Variants in CHST4 observed in about 807,000 individuals in gnomAD.
CHST4 encodes the protein GST-3.
For synonymous variants in CHST4, 171 were observed against 195.5 expected, an observed-to-expected ratio of 0.87 and a Z score of 1.05; for missense variants, 466 against 506.0, an observed-to-expected ratio of 0.92 and a Z score of 0.76.
chr16:71,537,280 G>A lies in CHST4; in HGVS notation c.603G>A (p.Val201=). 1.2e-6 allele frequency: 2 copies of A among 1,614,154 alleles called. No homozygotes were observed. Among genetic ancestry groups the A allele is most frequent in the Non-Finnish European group, 1.7e-6 (2 of 1,180,032 alleles). Residue 201 remains valine (V), a synonymous_variant, in exon 2 of 2, where the codon GTG becomes GTA. Transcript: ENST00000539698. The surrounding 1 kb of genome is among the most constrained non-coding windows in gnomAD (Gnocchi z 4.2). ...LKDPSLNLHI[V]HLVRDPRAVF... is the part of the protein sequence containing the mutation. ...ACCCCTCCCTCAACCTGCATATCGTGCACCTGGTCCGGGACCCCCGGGCCG... is the reference window on the plus strand; with the variant it reads ...ACCCCTCCCTCAACCTGCATATCGTACACCTGGTCCGGGACCCCCGGGCCG...
At chr16:71,535,318 G>T (rs150469669) in intron 1 of CHST4, among the ~76,000 whole-genome samples, 1 of 152,040 alleles carries the variant, frequency 6.6e-6, no homozygotes, top group South Asian at 2.1e-4. Flanking sequence ...GACTATAGGC[G>T]TGTGCCAACA....
rs151246509 is a variant in CHST4, at chr16:71,536,960, C to T, written c.283C>T (p.Arg95Trp). The T allele has an allele frequency of 1.2e-5, 20 of 1,613,710 alleles. No individual in the cohort carries two copies. The highest frequency in any genetic ancestry group is 1.6e-4 in the Middle Eastern group (1 of 6,084). ...CGCCTGGATGCTGCACATGGCTGTGCGGGATCTGATACGGGCCGTCTTCTT... is the reference window on the plus strand; with the variant it reads ...CGCCTGGATGCTGCACATGGCTGTGTGGGATCTGATACGGGCCGTCTTCTT... ...STAWMLHMAV[R>W]DLIRAVFLCD... is the part of the protein sequence containing the mutation. Residue 95 changes from arginine to tryptophan, a missense_variant, in exon 2 of 2, where the codon CGG (arginine) becomes TGG (tryptophan). Physicochemically the swap from Arg to Trp is moderately radical, Grantham distance 101 (BLOSUM62 -3). Transcript: ENST00000539698.
intron 1 of CHST4, among the ~76,000 whole-genome samples, chr16:71,535,345 G>C (rs1295535286): frequency 6.6e-6 from 1 of 152,006 alleles, no homozygotes; most frequent in Non-Finnish European, 1.5e-5. Context: ...GCTAATTTTT[G>C]CATTTTTAGT....
At chr16:71,536,568 G>C in intron 1 of CHST4, 92 bp from the exon 2 acceptor site, 2 of 880,188 alleles carry the variant, frequency 2.3e-6, no homozygotes, top group Non-Finnish European at 3.2e-6. Context: ...TTGGTAGGGG[G>C]TCAGAGAGCA....
rs141141955 is a variant in CHST4, at chr16:71,537,272, C to T, written c.595C>T (p.His199Tyr). The T allele has an allele frequency of 4.6e-5, 75 of 1,614,208 alleles. 1 individual carries two copies. In the African/African-American group the frequency reaches 6.4e-4, roughly 14 times the overall value. The change falls in exon 2 of 2, where the codon CAT becomes TAT. Residue 199 changes from histidine (H) to tyrosine (Y), a missense_variant. Coordinates refer to ENST00000539698, the MANE Select transcript of CHST4 (RefSeq NM_001166395.2). This position sits in a 1 kb window ranked among gnomAD's most constrained non-coding sequence, Gnocchi z 4.2. ...PLLKDPSLNL[H>Y]IVHLVRDPRA... ...GCTGAAAGACCCCTCCCTCAACCTG[C>T]ATATCGTGCACCTGGTCCGGGACCC...
chr16:71,537,110 G>A lies in CHST4; in HGVS notation c.433G>A (p.Glu145Lys). ...TGCCTGTGACATCATCCCACAAGAT[G>A]AAATCATCCCCCGGGCTCACTGCAG... ...APACDIIPQD[E>K]IIPRAHCRLL... is the part of the protein sequence containing the mutation. The change falls in exon 2 of 2, where the codon GAA (glutamate) becomes AAA (lysine). Residue 145 changes from glutamate to lysine, a missense_variant. Glu to Lys is a moderately conservative substitution (Grantham distance 56, BLOSUM62 1). Coordinates refer to ENST00000539698, the MANE Select transcript of CHST4 (RefSeq NM_001166395.2). This position sits in a 1 kb window ranked among gnomAD's most constrained non-coding sequence, Gnocchi z 4.2. 6.2e-7 allele frequency: 1 copy of A among 1,614,174 alleles called. No homozygotes were observed. Among genetic ancestry groups the A allele is most frequent in the Non-Finnish European group, 8.5e-7 (1 of 1,180,046 alleles).
intron 1 of CHST4, among the ~76,000 whole-genome samples, chr16:71,526,797 G>C (rs778750049): frequency 2.6e-5 from 4 of 152,158 alleles, no homozygotes; most frequent in Non-Finnish European, 5.9e-5. Flanking sequence ...CAACTGACTC[G>C]TTCAGATCCT....
intron 1 of CHST4, among the ~76,000 whole-genome samples, chr16:71,533,655 A>C (rs1435029134): frequency 6.6e-6 from 1 of 152,132 alleles, no homozygotes; most frequent in East Asian, 1.9e-4. Flanking sequence ...GACCCCTTTA[A>C]AGATATGTCA....
At position 71,537,372 on chromosome 16, in the gene CHST4, A is replaced by G. The variant is rs2043999358; in HGVS notation, c.695A>G (p.His232Arg). 2 of 1,614,044 alleles carry G rather than the reference A, an allele frequency of 1.2e-6. No individual in the cohort carries two copies. Among genetic ancestry groups the G allele is most frequent in the East Asian group, 2.2e-5 (1 of 44,892 alleles). ...GACAGTCGCATTGTGATGGGGCAGCATGAGCAAAAACTCAAGAAGGAGGAC... is the reference window on the plus strand; with the variant it reads ...GACAGTCGCATTGTGATGGGGCAGCGTGAGCAAAAACTCAAGAAGGAGGAC... ...MIDSRIVMGQ[H>R]EQKLKKEDQP... Residue 232 changes from histidine to arginine, a missense_variant, in exon 2 of 2, where the codon CAT becomes CGT. Physicochemically the swap from His to Arg is conservative, Grantham distance 29. Coordinates refer to ENST00000539698, the MANE Select transcript of CHST4 (RefSeq NM_001166395.2). This position sits in a 1 kb window ranked among gnomAD's most constrained non-coding sequence, Gnocchi z 4.2.
Position 71,537,336 on chromosome 16 carries a change from A to T in CHST4, c.659A>T (p.Asp220Val), listed in dbSNP as rs1313480540. The change falls in exon 2 of 2, where the codon GAT (aspartate) becomes GTT (valine). Residue 220 changes from aspartate (D) to valine (V), a missense_variant. Physicochemically the swap from Asp to Val is radical, Grantham distance 152. Coordinates refer to ENST00000539698, the MANE Select transcript of CHST4 (RefSeq NM_001166395.2). This position sits in a 1 kb window ranked among gnomAD's most constrained non-coding sequence, Gnocchi z 4.2. ...VFRSRERTKG[D>V]LMIDSRIVMG... ...CGTTCCCGAGAACGCACAAAGGGAGATCTCATGATTGACAGTCGCATTGTG... is the reference window on the plus strand; with the variant it reads ...CGTTCCCGAGAACGCACAAAGGGAGTTCTCATGATTGACAGTCGCATTGTG... 7 of 1,614,036 alleles carry T rather than the reference A, an allele frequency of 4.3e-6. No individual in the cohort carries two copies. In the African/African-American group the frequency reaches 9.3e-5, roughly 22 times the overall value.
chr16:71,534,160 A>G (rs1216436012), intron 1 of CHST4, among the ~76,000 whole-genome samples: 1 of 152,084 alleles, frequency 6.6e-6, no homozygotes, highest in East Asian at 1.9e-4. Context: ...ATCTGAGAAA[A>G]CGCTTGTTTT....
At position 71,528,214 on chromosome 16, in the gene CHST4, C is replaced by A. The variant is rs572282937; in HGVS notation, c.-19+1719C>A. On this transcript the variant is annotated intron_variant, in intron 1 of 1. Coordinates refer to ENST00000539698, the MANE Select transcript of CHST4 (RefSeq NM_001166395.2). ...GCAGTGAGCTGAGATCGTGCCACTG[C>A]ACTCCAGCCTGGACAACAGAGCAAG... 4.8e-5 allele frequency among the ~76,000 whole-genome samples: 7 copies of A among 144,776 alleles called. No individual in the cohort carries two copies. In the South Asian group the frequency reaches 1.3e-3, roughly 27 times the overall value. The allele number at this position is 144,776 out of a possible 152,430, so 95.0% of individuals were successfully genotyped here. A position where few individuals can be genotyped will look rare whatever the true frequency, so the allele number is the denominator to read the frequency against.
Position 71,537,501 on chromosome 16 carries a change from G to A in CHST4, c.824G>A (p.Arg275His), listed in dbSNP as rs751444364. 1.6e-4 allele frequency: 251 copies of A among 1,614,066 alleles called. 5 individuals carry two copies. In the South Asian group the frequency reaches 2.2e-3, roughly 14 times the overall value. Residue 275 changes from arginine (R) to histidine (H), a missense_variant, in exon 2 of 2, where the codon CGC (arginine) becomes CAC (histidine). Transcript: ENST00000539698. This position sits in a 1 kb window ranked among gnomAD's most constrained non-coding sequence, Gnocchi z 4.2. ...KALQERYLLV[R>H]YEDLARAPVA... ...CTGCAGGAACGCTACCTGCTTGTGC[G>A]CTATGAGGACCTGGCTCGAGCCCCT... is the stretch of plus-strand genomic sequence containing the variant.
intron 1 of CHST4, among the ~76,000 whole-genome samples, chr16:71,531,251 C>T (rs985753524): frequency 6.6e-6 from 1 of 152,028 alleles, no homozygotes; most frequent in Non-Finnish European, 1.5e-5. Context: ...CATGAAGCGC[C>T]CTGGTGACTC....
At position 71,530,907 on chromosome 16, in the gene CHST4, C is replaced by T. The variant is rs576592006; in HGVS notation, c.-19+4412C>T. On this transcript the variant is annotated intron_variant, in intron 1 of 1. Coordinates refer to ENST00000539698, the MANE Select transcript of CHST4 (RefSeq NM_001166395.2). Reference sequence around the variant, plus strand: ...ACCAGCCTGGCCAACATGGCGAAACCCTGTCTCTACTAAAAACACAAAAAT... The same window carrying T: ...ACCAGCCTGGCCAACATGGCGAAACTCTGTCTCTACTAAAAACACAAAAAT... Among the ~76,000 whole-genome samples the T allele has an allele frequency of 1.2e-4, 18 of 152,130 alleles. No homozygotes were observed. The East Asian group carries it at 3.5e-3, about 29-fold the overall frequency.
intron 1 of CHST4, among the ~76,000 whole-genome samples, chr16:71,528,598 G>A (rs1237229667): frequency 6.6e-6 from 1 of 152,168 alleles, no homozygotes; most frequent in African/African-American, 2.4e-5. Context: ...GGCTGCTTGT[G>A]AGGATGCCAG....
At chr16:71,529,399 A>G (rs2043931196) in intron 1 of CHST4, among the ~76,000 whole-genome samples, 1 of 152,062 alleles carries the variant, frequency 6.6e-6, no homozygotes, top group South Asian at 2.1e-4. Context: ...TCACTGTTCC[A>G]TGCAATCACC....
Position 71,538,038 on chromosome 16 carries a change from T to A in CHST4, c.*200T>A, listed in dbSNP as rs181628654. 7 of 607,078 alleles carry A rather than the reference T, an allele frequency of 1.2e-5. No individual in the cohort carries two copies. 37.6% of individuals were successfully genotyped at this position (607,078 alleles called of 1,614,324 possible). A position where few individuals can be genotyped will look rare whatever the true frequency, so the allele number is the denominator to read the frequency against. On this transcript the variant is annotated 3_prime_UTR_variant, in exon 2 of 2. Coordinates refer to ENST00000539698, the MANE Select transcript of CHST4 (RefSeq NM_001166395.2). ...CTAGAAAACAGACTGGGGAACCTTA[T>A]GTGAGCAGCACATCCCACCAGTGAA...
At chr16:71,527,613 G>A (rs2043917996) in intron 1 of CHST4, among the ~76,000 whole-genome samples, 1 of 152,068 alleles carries the variant, frequency 6.6e-6, no homozygotes, top group Non-Finnish European at 1.5e-5. Context: ...AGCTGGGCAT[G>A]GTGGCAGGCA....
Sources: gnomAD v4.1 joint callset for allele counts (sites outside exome capture counted in the v4.1 genomes callset) on GRCh38, gnomAD v4.1.1 for gene constraint, Gnocchi (gnomAD v3.1) non-coding constraint, MANE v1.5 for transcripts, NCBI Gene and HGNC (gene_info 2026-07-23, HGNC 2026-07-21) for gene names.